Variants in LIN7B observed in about 807,000 individuals in gnomAD.
LIN7B encodes protein lin-7 homolog B.
In LIN7B, 16 loss-of-function variants were observed where a neutral mutation model predicts 27.9. The observed-to-expected ratio is 0.57, with a 90% CI of 0.39 to 0.87. LIN7B has a LOEUF of 0.87. Ranked by LOEUF, LIN7B falls within the 40% of genes least tolerant of loss-of-function variation. LIN7B has a pLI of 0.00. For missense variants in LIN7B, 291 were observed against 288.5 expected (o/e 1.01, Z -0.06); for synonymous variants, 147 against 120.8 (o/e 1.22, Z -1.42).
intron 1 of LIN7B, 128 bp from the exon 2 acceptor site, chr19:49,114,721 G>C: frequency 1.9e-6 from 1 of 523,424 alleles, no homozygotes; most frequent in Non-Finnish European, 3.1e-6. Context: ...ACTCTGCGGG[G>C]TGTCCGACTA....
At position 49,114,414 on chromosome 19, in the gene LIN7B, C is replaced by G. The variant is rs1346372310; in HGVS notation, c.10C>G (p.Leu4Val). Residue 4 changes from leucine to valine, a missense_variant, in exon 1 of 6, where the codon CTG (leucine) becomes GTG (valine). Coordinates refer to ENST00000221459, the MANE Select transcript of LIN7B (RefSeq NM_022165.3). Reference protein sequence around the residue: MAALVEPLGLERDV... With the variant: MAAVVEPLGLERDV... ...CAGCTGTGGCGCCGACATGGCTGCG[C>G]TGGTGGAGCCGCTGGGGCTGGAGCG... 3 of 1,204,182 alleles carry G rather than the reference C, an allele frequency of 2.5e-6. No homozygotes were observed. The highest frequency in any genetic ancestry group is 3.1e-6 in the Non-Finnish European group (3 of 970,136). 74.6% of individuals were successfully genotyped at this position (1,204,182 alleles called of 1,614,324 possible). A position where few individuals can be genotyped will look rare whatever the true frequency, so the allele number is the denominator to read the frequency against.
rs74174277 is a variant in LIN7B at position 49,115,541 on chromosome 19, T to C, written c.228+210T>C. On this transcript the variant is annotated intron_variant, in intron 3 of 5. Coordinates refer to ENST00000221459, the MANE Select transcript of LIN7B (RefSeq NM_022165.3). ...TGCAAATGGAAACAGTATGGCATGG[T>C]TGGTAGAAGATAACCTTCAACATCT... The C allele has an allele frequency of 7.1e-6, 4 of 561,706 alleles. No homozygotes were observed. In the East Asian group the frequency reaches 9.3e-5, roughly 13 times the overall value. 34.8% of individuals were successfully genotyped at this position (561,706 alleles called of 1,614,324 possible). A position where few individuals can be genotyped will look rare whatever the true frequency, so the allele number is the denominator to read the frequency against.
chr19:49,115,194 C>T, intron 2 of LIN7B, 66 bp from the exon 3 acceptor site: 1 of 1,417,038 alleles, frequency 7.1e-7, no homozygotes, highest in Non-Finnish European at 9.7e-7. Flanking sequence ...GGTCTAGAGG[C>T]CTGAACTCCT....
At chr19:49,118,055 C>G (rs533792828) in intron 5 of LIN7B, 37 bp downstream of exon 5, 2 of 1,609,600 alleles carry the variant, frequency 1.2e-6, no homozygotes, top group African/African-American at 2.7e-5. Context: ...GGGGCCTCCA[C>G]GGGCTCCCTT....
chr19:49,118,387 G>A lies in LIN7B; in HGVS notation c.*14G>A. On this transcript the variant is annotated 3_prime_UTR_variant, in exon 6 of 6. Coordinates refer to ENST00000221459, the MANE Select transcript of LIN7B (RefSeq NM_022165.3). ...TCTCGAGGTTGAAACCACAGATCTG[G>A]ACGTTCACGTGCACTCTCTTCCTGT... 1 of 1,613,800 alleles carries A rather than the reference G, an allele frequency of 6.2e-7. No homozygotes were observed. The highest frequency in any genetic ancestry group is 8.5e-7 in the Non-Finnish European group (1 of 1,179,686).
Position 49,114,384 on chromosome 19 carries a change from G to A in LIN7B, c.-21G>A, listed in dbSNP as rs1174311164. 8.4e-7 allele frequency: 1 copy of A among 1,194,244 alleles called. No individual in the cohort carries two copies. The highest frequency in any genetic ancestry group is 1.0e-6 in the Non-Finnish European group (1 of 963,676). The allele number at this position is 1,194,244 out of a possible 1,614,324, so 74.0% of individuals were successfully genotyped here. ...TCGCCGGCGCCAGGGCAGGCGGGCG[G>A]CTGGCAGCTGTGGCGCCGACATGGC... On this transcript the variant is annotated 5_prime_UTR_variant, in exon 1 of 6. Coordinates refer to ENST00000221459, the MANE Select transcript of LIN7B (RefSeq NM_022165.3).
rs369741359 is a variant in LIN7B, at chr19:49,117,808, C to T, written c.439-47C>T. ...GTCCCATCTCCCAGTGGGGGCTGGA[C>T]GAGGGCAGCGGGCCCCAGGCTCAGC... is the stretch of plus-strand genomic sequence containing the variant. On this transcript the variant is annotated intron_variant, in intron 4 of 5. Coordinates refer to ENST00000221459, the MANE Select transcript of LIN7B (RefSeq NM_022165.3). The T allele has an allele frequency of 1.5e-5, 23 of 1,563,110 alleles. No individual in the cohort carries two copies. In the African/African-American group the frequency reaches 2.6e-4, roughly 17 times the overall value.
intron 4 of LIN7B, 35 bp downstream of exon 4, chr19:49,116,507 AGTCT>A (rs2040828416): frequency 2.5e-6 from 4 of 1,583,792 alleles, no homozygotes; most frequent in South Asian, 2.2e-5. Context: ...TGGGGGACAC[AGTCT>A]GTCTAACGTA....
intron 2 of LIN7B, 82 bp downstream of exon 2, chr19:49,115,049 C>G: frequency 9.7e-7 from 1 of 1,031,194 alleles, no homozygotes; most frequent in Non-Finnish European, 1.3e-6. Context: ...AGCCCGGAGA[C>G]TACGCCTCCC....
Position 49,114,978 on chromosome 19 carries a change from C to T in LIN7B, c.156+11C>T, listed in dbSNP as rs1337248769. ...TCCGCTATCCGAGAGGTGAGGGGCGCGCGGCGCAGGGGCGCGAGCTGGTGG... is the reference window on the plus strand; with the variant it reads ...TCCGCTATCCGAGAGGTGAGGGGCGTGCGGCGCAGGGGCGCGAGCTGGTGG... On this transcript the variant is annotated intron_variant, in intron 2 of 5. Transcript: ENST00000221459. The T allele has an allele frequency of 2.1e-6, 3 of 1,404,768 alleles. No individual in the cohort carries two copies. Among genetic ancestry groups the T allele is most frequent in the Non-Finnish European group, 2.8e-6 (3 of 1,074,822 alleles). The allele number at this position is 1,404,768 out of a possible 1,614,324, so 87.0% of individuals were successfully genotyped here. A position where few individuals can be genotyped will look rare whatever the true frequency, so the allele number is the denominator to read the frequency against.
intron 4 of LIN7B, 86 bp downstream of exon 4, chr19:49,116,558 C>A: frequency 8.3e-7 from 1 of 1,204,840 alleles, no homozygotes; most frequent in Non-Finnish European, 1.2e-6. Context: ...TCAACACACA[C>A]TGAGTGTTGT....
chr19:49,114,879 G>A lies in LIN7B; in HGVS notation c.68G>A (p.Arg23Gln). The A allele has an allele frequency of 6.8e-7, 1 of 1,472,838 alleles. No homozygotes were observed. Among genetic ancestry groups the A allele is most frequent in the Non-Finnish European group, 9.0e-7 (1 of 1,115,640 alleles). 91.2% of individuals were successfully genotyped at this position (1,472,838 alleles called of 1,614,324 possible). A position where few individuals can be genotyped will look rare whatever the true frequency, so the allele number is the denominator to read the frequency against. The change falls in exon 2 of 6, where the codon CGG (arginine) becomes CAG (glutamine). Residue 23 changes from arginine (R) to glutamine (Q), a missense_variant. Transcript: ENST00000221459. ...TCCCGGGCGGTTGAGCTCCTCGAGC[G>A]GCTCCAGCGCAGCGGGGAGCTGCCG... ...DVSRAVELLE[R>Q]LQRSGELPPQ...
Position 49,116,329 on chromosome 19 carries a change from A to T in LIN7B, c.295A>T (p.Thr99Ser). 2 of 1,614,160 alleles carry T rather than the reference A, an allele frequency of 1.2e-6. No individual in the cohort carries two copies. Among genetic ancestry groups the T allele is most frequent in the Non-Finnish European group, 1.7e-6 (2 of 1,180,022 alleles). ...TCCCAGGGTAGTGGAGCTACCCAAG[A>T]CGGATGAGGGCCTAGGCTTCAACAT... The part of the protein sequence containing the change: ...AHPRVVELPK[T>S]DEGLGFNIMG... The change falls in exon 4 of 6, where the codon ACG (threonine) becomes TCG (serine). Residue 99 changes from threonine (T) to serine (S), a missense_variant. By Grantham distance (58) the Thr-to-Ser change is moderately conservative. Transcript: ENST00000221459.
chr19:49,117,224 T>G (rs1600308755), intron 4 of LIN7B, among the ~76,000 whole-genome samples: 1 of 126,936 alleles, frequency 7.9e-6, no homozygotes, highest in Non-Finnish European at 1.6e-5. Flanking sequence ...CCAGCGTGGG[T>G]GACAGAGTGA....
At chr19:49,114,544 G>T in intron 1 of LIN7B, 103 bp downstream of exon 1, 4 of 921,352 alleles carry the variant, frequency 4.3e-6, no homozygotes, top group Non-Finnish European at 5.6e-6. Flanking sequence ...TGGGCCAGCG[G>T]ACCCGGAGGG....
rs375722946 is a variant in LIN7B at position 49,115,387 on chromosome 19, A to G, written c.228+56A>G. 1,152 of 1,418,378 alleles carry G rather than the reference A, an allele frequency of 8.1e-4. 7 individuals carry two copies. In the African/African-American group the frequency reaches 0.014, roughly 17 times the overall value. 87.9% of individuals were successfully genotyped at this position (1,418,378 alleles called of 1,614,324 possible). On this transcript the variant is annotated intron_variant, in intron 3 of 5. Coordinates refer to ENST00000221459, the MANE Select transcript of LIN7B (RefSeq NM_022165.3). ...CTATTTAACTGCCTAGTCGAACTCAATATCTCCTTCATGCCAGTCATTTCT... is the reference window on the plus strand; with the variant it reads ...CTATTTAACTGCCTAGTCGAACTCAGTATCTCCTTCATGCCAGTCATTTCT...
At chr19:49,115,458 A>G (rs2040810810) in intron 3 of LIN7B, 127 bp downstream of exon 3, 1 of 793,912 alleles carries the variant, frequency 1.3e-6, no homozygotes, top group Non-Finnish European at 2.0e-6. Flanking sequence ...CCACCTTACT[A>G]TTAGTAAATA....
In LIN7B at chr19:49,116,304, T is replaced by C. The variant is rs28446007; in HGVS notation, c.270T>C (p.His90=). The C allele has an allele frequency of 4.7e-3, 7,609 of 1,614,024 alleles. 105 individuals carry two copies. The highest frequency in any genetic ancestry group is 0.039 in the African/African-American group (2,914 of 75,016). The change falls in exon 4 of 6, where the codon CAT becomes CAC. Residue 90 remains histidine (H), a synonymous_variant. Transcript: ENST00000221459. The part of the protein sequence containing the change: ...AAFTASEGHA[H]PRVVELPKTD... ...TCACAGCCAGCGAGGGCCACGCACA[T>C]CCCAGGGTAGTGGAGCTACCCAAGA...
chr19:49,115,933 C>T (rs988972312), intron 3 of LIN7B: 1 of 202,664 alleles, frequency 4.9e-6, no homozygotes, highest in Non-Finnish European at 1.0e-5. Context: ...TCGCTTGAAC[C>T]CAGGAGGCCG....
Sources: gnomAD v4.1 joint callset for allele counts (sites outside exome capture counted in the v4.1 genomes callset) on GRCh38, gnomAD v4.1.1 for gene constraint, MANE v1.5 for transcripts, NCBI Gene and HGNC (gene_info 2026-07-23, HGNC 2026-07-21) for gene names.